The following CCDC88A variants were observed in gnomAD, a reference collection of about 807,000 sequenced individuals.
The protein encoded by CCDC88A is coiled-coil and HOOK domain protein 88A, also known as girdin.
A neutral mutation model predicts 234.3 loss-of-function variants in CCDC88A; 54 were observed. That is an observed-to-expected ratio of 0.23 (90% CI 0.19 to 0.29). CCDC88A has a LOEUF of 0.29. Among genes scored for constraint, CCDC88A ranks in the 10% least tolerant of loss-of-function variants. The pLI is 1.00. For missense variants in CCDC88A, 1,832 were observed against 2,123.4 expected (o/e 0.86, Z 2.70); for synonymous variants, 753 against 737.8 (o/e 1.02, Z -0.33).
intron 2 of CCDC88A, among the ~76,000 whole-genome samples, chr2:55,414,314 G>A (rs1290448069): frequency 1.3e-5 from 2 of 152,130 alleles, no homozygotes; most frequent in African/African-American, 4.8e-5. Flanking sequence ...TTCAAAACTG[G>A]CTCCAGAATT....
chr2:55,391,665 CTG>C (rs1574429588), intron 2 of CCDC88A, among the ~76,000 whole-genome samples: 1 of 152,262 alleles, frequency 6.6e-6, no homozygotes, highest in East Asian at 1.9e-4. Context: ...GGATTAGAAA[CTG>C]TATAGCAAAC....
intron 2 of CCDC88A, among the ~76,000 whole-genome samples, chr2:55,390,996 C>T (rs865962524): frequency 6.6e-6 from 1 of 152,114 alleles, no homozygotes; most frequent in Non-Finnish European, 1.5e-5. Context: ...AAACAAAAAA[C>T]CAAGAAAATT....
intron 3 of CCDC88A, among the ~76,000 whole-genome samples, chr2:55,386,634 G>C (rs761483986): frequency 4.5e-4 from 69 of 151,722 alleles, no homozygotes; most frequent in Non-Finnish European, 9.3e-4. Context: ...ACCAAGGCTG[G>C]CTAATTTTTG....
intron 2 of CCDC88A, among the ~76,000 whole-genome samples, chr2:55,415,922 T>C (rs1400436531): frequency 6.6e-6 from 1 of 151,988 alleles, no homozygotes; most frequent in African/African-American, 2.4e-5. Context: ...AAGCTCAAGA[T>C]TTTTGTATTT....
chr2:55,342,062 T>C (rs1668578907), intron 12 of CCDC88A, among the ~76,000 whole-genome samples: 1 of 152,320 alleles, frequency 6.6e-6, no homozygotes, highest in African/African-American at 2.4e-5. Context: ...GCACAAGTAC[T>C]GCAAACTTTT....
At chr2:55,354,143 CTTTT>C (rs70954105) in intron 8 of CCDC88A, among the ~76,000 whole-genome samples, 2 of 146,122 alleles carry the variant, frequency 1.4e-5, no homozygotes, top group African/African-American at 2.5e-5. Context: ...AAAAATGGTA[CTTTT>C]TTTTTTTTTT....
rs1679473587 is a variant in CCDC88A at position 55,291,779 on chromosome 2, C to A, written c.5552-4G>T. 1 of 1,608,430 alleles carries A rather than the reference C, an allele frequency of 6.2e-7. No individual in the cohort carries two copies. Among genetic ancestry groups the A allele is most frequent in the Non-Finnish European group, 8.5e-7 (1 of 1,176,098 alleles). On this transcript the variant is annotated splice_polypyrimidine_tract_variant and splice_region_variant and intron_variant, in intron 31 of 32. Transcript: ENST00000436346. Reference sequence around the variant, plus strand: ...CTTTCTTGTACTTTGTCCACATCTGCAGGAGAAAAGCATTTCATGTTATTT... The same window carrying A: ...CTTTCTTGTACTTTGTCCACATCTGAAGGAGAAAAGCATTTCATGTTATTT...
chr2:55,322,219 G>C (rs1435571794), intron 18 of CCDC88A, among the ~76,000 whole-genome samples: 1 of 152,100 alleles, frequency 6.6e-6, no homozygotes, highest in East Asian at 1.9e-4. Flanking sequence ...CTAAAGCAGT[G>C]GAACAATAGT....
chr2:55,348,704 T>C (rs994376387), intron 9 of CCDC88A: 1 of 152,170 alleles, frequency 6.6e-6, no homozygotes, highest in African/African-American at 2.4e-5. Flanking sequence ...AAGACTGCTT[T>C]AGAGAGAACC....
intron 28 of CCDC88A, chr2:55,300,686 T>C (rs2104569066): frequency 6.5e-6 from 1 of 152,710 alleles, no homozygotes; most frequent in Middle Eastern, 3.4e-3. Context: ...AACTTTTGTA[T>C]TTTTAGTAGA....
intron 2 of CCDC88A, among the ~76,000 whole-genome samples, chr2:55,409,555 T>C (rs1442285162): frequency 1.3e-5 from 2 of 152,134 alleles, no homozygotes; most frequent in East Asian, 3.9e-4. Flanking sequence ...AGTAAGTACT[T>C]AGAAACTATT....
intron 5 of CCDC88A, among the ~76,000 whole-genome samples, chr2:55,367,390 T>G (rs1337979451): frequency 6.6e-6 from 1 of 152,078 alleles, no homozygotes; most frequent in African/African-American, 2.4e-5. Flanking sequence ...CTTAAAAAAT[T>G]GTTAAAATGG....
chr2:55,356,997 C>T (rs759339303), intron 7 of CCDC88A, among the ~76,000 whole-genome samples: 1 of 152,144 alleles, frequency 6.6e-6, no homozygotes, highest in Non-Finnish European at 1.5e-5. Context: ...CTGGGACAGC[C>T]CAGAAATACA....
rs187451892 is a variant in CCDC88A at position 55,369,089 on chromosome 2, C to T, written c.402+3363G>A. On this transcript the variant is annotated intron_variant, in intron 5 of 32. Coordinates refer to ENST00000436346, the MANE Select transcript of CCDC88A (RefSeq NM_001365480.1). ...TTGCTCTGTCACCCAGGCTGGAGTG[C>T]AGTGGCACAATCTTGGCTCACTGCA... Among the ~76,000 whole-genome samples, 184 of 152,194 alleles carry T rather than the reference C, an allele frequency of 1.2e-3. 1 individual carries two copies. The highest frequency in any genetic ancestry group is 4.3e-4 in the Non-Finnish European group (29 of 68,016).
rs909028713 is a variant in CCDC88A at position 55,353,059 on chromosome 2, G to A, written c.800+2520C>T. Among the ~76,000 whole-genome samples, 51 of 152,166 alleles carry A rather than the reference G, an allele frequency of 3.4e-4. 1 individual carries two copies. The highest frequency in any genetic ancestry group is 1.2e-3 in the African/African-American group (49 of 41,508). The stretch of plus-strand genomic sequence containing the variant: ...GGTATTTGTTGAAAAGCTAGTTACC[G>A]GGAATACTAGTTACAATACTGGCAC... On this transcript the variant is annotated intron_variant, in intron 8 of 32. Coordinates refer to ENST00000436346, the MANE Select transcript of CCDC88A (RefSeq NM_001365480.1).
intron 3 of CCDC88A, among the ~76,000 whole-genome samples, chr2:55,377,195 T>TG (rs1427988454): frequency 4.4e-4 from 2 of 4,496 alleles, no homozygotes; most frequent in Admixed American, 6.5e-3. Flanking sequence ...CACTATAGAC[T>TG]TTTTTTTTTT....
intron 6 of CCDC88A, 41 bp downstream of exon 6, chr2:55,363,909 A>G: frequency 1.8e-6 from 2 of 1,088,768 alleles, no homozygotes; most frequent in Non-Finnish European, 2.7e-6. Context: ...ACACACCACA[A>G]GCTTCATAAA....
intron 23 of CCDC88A, among the ~76,000 whole-genome samples, chr2:55,310,735 T>C (rs544317463): frequency 1.3e-5 from 2 of 152,328 alleles, no homozygotes; most frequent in East Asian, 3.9e-4. Flanking sequence ...CCAACAGTTA[T>C]ACCACAGTAC....
rs150001862 is a variant in CCDC88A, at chr2:55,363,997, C to G, written c.439G>C (p.Gly147Arg). Residue 147 changes from glycine (G) to arginine (R), a missense_variant, in exon 6 of 33, where the codon GGT (glycine) becomes CGT (arginine). Physicochemically the swap from Gly to Arg is moderately radical, Grantham distance 125 (BLOSUM62 -2). This residue lies in a region of CCDC88A where 1,282 missense variants were observed against 1,543.6 expected (regional missense o/e 0.83). Transcript: ENST00000436346. ...KKEEFIERIQ[G>R]LDFDTKAAVA... ...GCTGCTTTTGTATCAAAATCTAAAC[C>G]TTGAATTCTTTCAATAAATTCCTCT... 1 of 1,594,042 alleles carries G rather than the reference C, an allele frequency of 6.3e-7. No homozygotes were observed. The highest frequency in any genetic ancestry group is 8.6e-7 in the Non-Finnish European group (1 of 1,166,900).
Sources: gnomAD v4.1 joint callset for allele counts (sites outside exome capture counted in the v4.1 genomes callset) on GRCh38, gnomAD v4.1.1 for gene constraint, gnomAD v4.1.1 regional missense constraint, MANE v1.5 for transcripts, NCBI Gene and HGNC (gene_info 2026-07-23, HGNC 2026-07-21) for gene names.